MLLT10: variants seen among roughly 807,000 people sequenced by gnomAD.
The protein encoded by MLLT10 is MLLT10 histone lysine methyltransferase DOT1L cofactor.
MLLT10 carries 30 observed loss-of-function variants against 129.1 expected under a neutral mutation model. The observed-to-expected ratio is 0.23, with a 90% CI of 0.17 to 0.32. MLLT10 has a LOEUF of 0.32. Among genes scored for constraint, MLLT10 ranks in the 10% least tolerant of loss-of-function variants. MLLT10 has a pLI of 1.00. For synonymous variants in MLLT10, 490 were observed against 446.4 expected, an observed-to-expected ratio of 1.10 and a Z score of -1.23; for missense variants, 1,119 against 1,268.3, an observed-to-expected ratio of 0.88 and a Z score of 1.79.
At chr10:21,634,755 C>T (rs1360974952) in intron 8 of MLLT10, among the ~76,000 whole-genome samples, 1 of 152,190 alleles carries the variant, frequency 6.6e-6, no homozygotes, top group Non-Finnish European at 1.5e-5. Flanking sequence ...TCTCCAGTAT[C>T]GAGTAGACTC....
chr10:21,694,803 G>C (rs2054197783), intron 13 of MLLT10, among the ~76,000 whole-genome samples: 1 of 152,206 alleles, frequency 6.6e-6, no homozygotes, highest in South Asian at 2.1e-4. Flanking sequence ...ACCAGTAGAA[G>C]TTTGGGTTGG....
intron 8 of MLLT10, among the ~76,000 whole-genome samples, chr10:21,647,769 CAG>C (rs1383333326): frequency 3.3e-5 from 5 of 151,824 alleles, no homozygotes; most frequent in East Asian, 3.9e-4. Flanking sequence ...AAAATTTAAA[CAG>C]AATTAAAATA....
At chr10:21,565,271 T>G (rs149048800) in intron 3 of MLLT10, among the ~76,000 whole-genome samples, 2 of 152,268 alleles carry the variant, frequency 1.3e-5, no homozygotes, top group East Asian at 3.9e-4. Flanking sequence ...TGAAGTAAAT[T>G]TCTTGTACAC....
chr10:21,735,049 A>C, intron 20 of MLLT10, 90 bp from the exon 21 acceptor site: 1 of 893,476 alleles, frequency 1.1e-6, no homozygotes, highest in Non-Finnish European at 1.8e-6. Context: ...GTTATTAAAC[A>C]TCAAATTGAA....
chr10:21,681,619 G>A (rs1452555328), intron 12 of MLLT10, among the ~76,000 whole-genome samples: 1 of 152,032 alleles, frequency 6.6e-6, no homozygotes, highest in African/African-American at 2.4e-5. Context: ...TGCTTTTGTT[G>A]CAGAATTGTG....
At chr10:21,551,078 C>A (rs1377531212) in intron 3 of MLLT10, among the ~76,000 whole-genome samples, 4 of 151,814 alleles carry the variant, frequency 2.6e-5, no homozygotes, top group Non-Finnish European at 5.9e-5. Flanking sequence ...AGGCACGCGC[C>A]ACCACGCCCG....
chr10:21,590,326 A>G (rs1431310580), intron 4 of MLLT10, among the ~76,000 whole-genome samples: 1 of 151,764 alleles, frequency 6.6e-6, no homozygotes, highest in African/African-American at 2.4e-5. Context: ...AAATTGTTGG[A>G]CTAACATTGC....
intron 3 of MLLT10, among the ~76,000 whole-genome samples, chr10:21,559,321 A>G (rs1158442283): frequency 6.6e-6 from 1 of 152,078 alleles, no homozygotes; most frequent in East Asian, 1.9e-4. Context: ...TGACCTTGTG[A>G]TCCGCCTTGG....
rs999505721 is a variant in MLLT10, at chr10:21,717,504, T to A, written c.1878+3554T>A. 5.7e-3 allele frequency among the ~76,000 whole-genome samples: 470 copies of A among 82,116 alleles called. 5 individuals carry two copies. The highest frequency in any genetic ancestry group is 0.02 in the African/African-American group (433 of 22,134). The allele number at this position is 82,116 out of a possible 152,430, so 53.9% of individuals were successfully genotyped here. On this transcript the variant is annotated intron_variant, in intron 14 of 22. Transcript: ENST00000307729. ...ATATTCCTCCTCCTCCTCCTCCTCCTCCTCCTCCTCCACCACCTCCTCCTC... is the reference window on the plus strand; with the variant it reads ...ATATTCCTCCTCCTCCTCCTCCTCCACCTCCTCCTCCACCACCTCCTCCTC...
At chr10:21,713,234 C>A (rs971098650) in intron 13 of MLLT10, among the ~76,000 whole-genome samples, 1 of 152,220 alleles carries the variant, frequency 6.6e-6, no homozygotes, top group Admixed American at 6.5e-5. Context: ...TACCAACATT[C>A]TTTATTCCCA....
chr10:21,552,451 C>T (rs1462185859), intron 3 of MLLT10, among the ~76,000 whole-genome samples: 1 of 137,332 alleles, frequency 7.3e-6, no homozygotes, highest in African/African-American at 2.8e-5. Context: ...AGTATAGTGA[C>T]AGTGATCTCA....
chr10:21,658,989 G>A (rs530757768), intron 9 of MLLT10, among the ~76,000 whole-genome samples: 1 of 151,990 alleles, frequency 6.6e-6, no homozygotes, highest in Non-Finnish European at 1.5e-5. Flanking sequence ...GTGCATATTT[G>A]TTATTTGTTA....
intron 21 of MLLT10, among the ~76,000 whole-genome samples, chr10:21,735,528 C>T (rs146679557): frequency 2.7e-3 from 406 of 152,036 alleles, no homozygotes; most frequent in Non-Finnish European, 4.1e-3. Flanking sequence ...TGGATGGACA[C>T]GATGCACGCT....
At chr10:21,656,640 C>A (rs1156683610) in intron 9 of MLLT10, among the ~76,000 whole-genome samples, 2 of 152,104 alleles carry the variant, frequency 1.3e-5, no homozygotes, top group Non-Finnish European at 2.9e-5. Context: ...TGTTTTAAAA[C>A]TAGAAATTAG....
At chr10:21,604,891 T>G (rs905744259) in intron 5 of MLLT10, among the ~76,000 whole-genome samples, 3 of 151,920 alleles carry the variant, frequency 2.0e-5, no homozygotes, top group African/African-American at 7.2e-5. Flanking sequence ...ACTGCTTAGT[T>G]CCTATTTTTT....
chr10:21,586,221 A>T, intron 3 of MLLT10, 73 bp from the exon 4 acceptor site: 1 of 1,162,580 alleles, frequency 8.6e-7, no homozygotes, highest in Non-Finnish European at 1.2e-6. Context: ...AGTAGTTTTG[A>T]CGTTGCAGGG....
chr10:21,617,815 C>T (rs1287250179), intron 8 of MLLT10, among the ~76,000 whole-genome samples: 1 of 152,078 alleles, frequency 6.6e-6, no homozygotes, highest in Non-Finnish European at 1.5e-5. Flanking sequence ...AAAAATAATA[C>T]TGGAAAATCA....
At chr10:21,565,332 G>A (rs1185915237) in intron 3 of MLLT10, among the ~76,000 whole-genome samples, 2 of 152,040 alleles carry the variant, frequency 1.3e-5, no homozygotes, top group African/African-American at 2.4e-5. Flanking sequence ...GTTTGAGATG[G>A]AATCTTGCAC....
rs192200945 is a variant in MLLT10, at chr10:21,655,818, C to T, written c.795+4050C>T. On this transcript the variant is annotated intron_variant, in intron 9 of 22. Coordinates refer to ENST00000307729, the MANE Select transcript of MLLT10 (RefSeq NM_001195626.3). ...CAGAGTAAACAGTGGGTTTCAGGGT[C>T]GATCTAAGTTTTTGTTGGAACAAGA... 5.5e-3 allele frequency among the ~76,000 whole-genome samples: 836 copies of T among 152,028 alleles called. 5 individuals are homozygous for T. The highest frequency in any genetic ancestry group is 7.6e-3 in the Non-Finnish European group (515 of 67,990).
Sources: allele counts gnomAD v4.1 joint callset (sites outside exome capture counted in the v4.1 genomes callset), GRCh38; gene constraint gnomAD v4.1.1; transcripts MANE v1.5; gene names NCBI Gene and HGNC (gene_info 2026-07-23, HGNC 2026-07-21).